The following NGLY1 variants were observed in gnomAD, a reference collection of about 807,000 sequenced individuals.
NGLY1 encodes peptide-N(4)-(N-acetyl-beta-glucosaminyl)asparagine amidase.
Under a neutral mutation model 84.6 loss-of-function variants are expected in NGLY1, and 68 were observed. The ratio of observed to expected loss-of-function variants is 0.80; its 90% CI spans 0.66 to 0.98. The LOEUF (loss-of-function observed/expected upper bound fraction) is 0.98. NGLY1 is among the 50% of genes least tolerant of loss of function. The pLI is 0.00. For missense variants in NGLY1, 779 were observed against 770.2 expected (o/e 1.01, Z -0.14); for synonymous variants, 280 against 275.2 (o/e 1.02, Z -0.17).
Position 25,720,201 on chromosome 3 carries a change from G to GT in NGLY1, c.1612-11dup, listed in dbSNP as rs761585778. On this transcript the variant is annotated splice_polypyrimidine_tract_variant and intron_variant, in intron 10 of 11. Coordinates refer to ENST00000280700, the MANE Select transcript of NGLY1 (RefSeq NM_018297.4). ...TTCGGGCCAAATATACCTATAAGGA[G>GT]TAGGGATGGGGAGAAAGGAACTGTC... 6.2e-7 allele frequency: 1 copy of GT among 1,604,464 alleles called. No individual in the cohort carries two copies. Among genetic ancestry groups the GT allele is most frequent in the South Asian group, 1.1e-5 (1 of 89,926 alleles).
chr3:25,722,795 G>A (rs940758475), intron 10 of NGLY1, among the ~76,000 whole-genome samples: 5 of 152,164 alleles, frequency 3.3e-5, no homozygotes, highest in African/African-American at 1.2e-4. Context: ...GACTCCACCA[G>A]TGTTCCCCGG....
intron 10 of NGLY1, among the ~76,000 whole-genome samples, chr3:25,723,763 A>G (rs1316613715): frequency 6.6e-6 from 1 of 152,284 alleles, no homozygotes; most frequent in Non-Finnish European, 1.5e-5. Context: ...ATTTTTTTTA[A>G]ATTTATTGTG....
chr3:25,724,155 T>G (rs1705141802), intron 10 of NGLY1, among the ~76,000 whole-genome samples: 2 of 152,226 alleles, frequency 1.3e-5, no homozygotes, highest in Admixed American at 1.3e-4. Context: ...ATTTTTTGAT[T>G]ACTACATGTC....
intron 10 of NGLY1, among the ~76,000 whole-genome samples, chr3:25,722,931 T>C (rs1705080494): frequency 6.6e-6 from 1 of 152,230 alleles, no homozygotes; most frequent in Admixed American, 6.5e-5. Flanking sequence ...GAGAGGTTAC[T>C]GGAAGAAAGG....
At chr3:25,723,417 C>T (rs1380871202) in intron 10 of NGLY1, among the ~76,000 whole-genome samples, 1 of 152,082 alleles carries the variant, frequency 6.6e-6, no homozygotes, top group Non-Finnish European at 1.5e-5. Flanking sequence ...AGATAAAACA[C>T]CCTATTTATA....
chr3:25,726,042 T>C (rs927817284), intron 10 of NGLY1, among the ~76,000 whole-genome samples: 5 of 152,158 alleles, frequency 3.3e-5, no homozygotes, highest in Non-Finnish European at 5.9e-5. Context: ...GCTGAATGAA[T>C]TCTTGACATA....
In NGLY1 at chr3:25,729,138, G is replaced by T; in HGVS notation, c.1606C>A (p.His536Asn). 2 of 1,493,754 alleles carry T rather than the reference G, an allele frequency of 1.3e-6. No homozygotes were observed. The highest frequency in any genetic ancestry group is 1.4e-5 in the South Asian group (1 of 70,926). 92.5% of individuals were successfully genotyped at this position (1,493,754 alleles called of 1,614,324 possible). Residue 536 changes from histidine (H) to asparagine (N), a missense_variant, in exon 10 of 12, where the codon CAC (histidine) becomes AAC (asparagine). Coordinates refer to ENST00000280700, the MANE Select transcript of NGLY1 (RefSeq NM_018297.4). ...GGTTTTATGCATTAAGTTACCATGT[G>T]CCAGTCTGTTTCAACTTTTCTGAAT... The part of the protein sequence containing the change: ...SIFRKVETDW[H>N]MVYLARKEGS...
upstream of NGLY1, chr3:25,783,520 C>T (rs1168001211): frequency 1.0e-4 from 79 of 775,892 alleles, no homozygotes; most frequent in East Asian, 1.1e-3. This position sits in a 1 kb window ranked among gnomAD's most constrained non-coding sequence, Gnocchi z 4.5. Context: ...GGGCGGGGTC[C>T]TCGGCCGGCA....
At position 25,783,350 on chromosome 3, in the gene NGLY1, G is replaced by C. The variant is rs767547861; in HGVS notation, c.41C>G (p.Ser14Cys). The C allele has an allele frequency of 1.3e-6, 2 of 1,573,156 alleles. No homozygotes were observed. Among genetic ancestry groups the C allele is most frequent in the Admixed American group, 3.7e-5 (2 of 53,896 alleles). The change falls in exon 1 of 12, where the codon TCC (serine) becomes TGC (cysteine). Residue 14 changes from serine to cysteine, a missense_variant. Coordinates refer to ENST00000280700, the MANE Select transcript of NGLY1 (RefSeq NM_018297.4). The surrounding 1 kb of genome is among the most constrained non-coding windows in gnomAD (Gnocchi z 4.5). Reference sequence around the variant, plus strand: ...CTGGCAGAGCTCAGCCACGGCCGGGGACGCCGAGCCTGAGGAGCTGCCCAA... The same window carrying C: ...CTGGCAGAGCTCAGCCACGGCCGGGCACGCCGAGCCTGAGGAGCTGCCCAA... ...AALGSSSGSASPAVAELCQNT... is the reference protein window; with the variant it reads ...AALGSSSGSACPAVAELCQNT...
chr3:25,759,817 A>C (rs966134115), intron 3 of NGLY1, among the ~76,000 whole-genome samples: 1 of 152,120 alleles, frequency 6.6e-6, no homozygotes, highest in African/African-American at 2.4e-5. Flanking sequence ...AGATATATTT[A>C]AGACTTCATA....
At chr3:25,763,876 A>C (rs903446015) in intron 3 of NGLY1, among the ~76,000 whole-genome samples, 190 bp downstream of exon 3, 1 of 152,228 alleles carries the variant, frequency 6.6e-6, no homozygotes, top group African/African-American at 2.4e-5. Context: ...TTAGATCAGA[A>C]GTATTAATGC....
intron 8 of NGLY1, among the ~76,000 whole-genome samples, chr3:25,733,513 G>GTA (rs1296448962): frequency 7.8e-6 from 1 of 128,090 alleles, no homozygotes; most frequent in Non-Finnish European, 1.7e-5. Context: ...GTGTGTGTGT[G>GTA]TGTATGTACA....
Position 25,755,354 on chromosome 3 carries a change from C to T in NGLY1, c.493-4091G>A, listed in dbSNP as rs537974278. ...ACCTAACCAAGGGAGGCTAGTTCTA[C>T]GATTGACTGTTGGTGCTGTTAGTAG... On this transcript the variant is annotated intron_variant, in intron 3 of 11. Coordinates refer to ENST00000280700, the MANE Select transcript of NGLY1 (RefSeq NM_018297.4). 39 of 1,313,824 alleles carry T rather than the reference C, an allele frequency of 3.0e-5. No individual in the cohort carries two copies. In the South Asian group the frequency reaches 3.5e-4, roughly 12 times the overall value. 81.4% of individuals were successfully genotyped at this position (1,313,824 alleles called of 1,614,324 possible).
intron 3 of NGLY1, among the ~76,000 whole-genome samples, chr3:25,759,811 A>G (rs570931845): frequency 6.6e-6 from 1 of 152,210 alleles, no homozygotes; most frequent in East Asian, 1.9e-4. Context: ...GATATGAGAT[A>G]TATTTAAGAC....
At chr3:25,729,838 T>A (rs1194043254) in intron 9 of NGLY1, 2 of 152,362 alleles carry the variant, frequency 1.3e-5, no homozygotes, top group East Asian at 3.9e-4. Flanking sequence ...TCCAGCCAGA[T>A]CTTCTGTTAC....
chr3:25,719,633 T>TCA lies in NGLY1; in HGVS notation c.1791_1792insTG (p.Asn598Ter). 1 of 1,611,434 alleles carries TCA rather than the reference T, an allele frequency of 6.2e-7. No homozygotes were observed. Among genetic ancestry groups the TCA allele is most frequent in the East Asian group, 2.2e-5 (1 of 44,848 alleles). ...AAATCAGCATAGGAGTGAAGACTGT[T>TCA]ATCTGTTAGAGGGAAAAAAAAAATT... is the stretch of plus-strand genomic sequence containing the variant. On this transcript the variant is annotated frameshift_variant and splice_region_variant, in exon 12 of 12. Transcript: ENST00000280700. LOFTEE classifies it high-confidence loss of function.
exon 1 of NGLY1, chr3:25,790,015 G>C (rs749930349): frequency 1.1e-6 from 1 of 939,386 alleles, no homozygotes; most frequent in African/African-American, 1.6e-5. Flanking sequence ...AAAGAGAGTC[G>C]AACGGGACGC....
intron 9 of NGLY1, among the ~76,000 whole-genome samples, chr3:25,732,087 T>C (rs1215252449): frequency 1.3e-5 from 2 of 152,156 alleles, no homozygotes; most frequent in East Asian, 1.9e-4. Flanking sequence ...ACTAAAAATT[T>C]ACATAAGGTA....
intron 3 of NGLY1, chr3:25,754,808 T>C (rs1264762452): frequency 5.2e-6 from 2 of 383,948 alleles, no homozygotes; most frequent in African/African-American, 2.3e-5. Flanking sequence ...TTTTTTTTGA[T>C]ACGAGCAACT....
Sources: gnomAD v4.1 joint callset for allele counts (sites outside exome capture counted in the v4.1 genomes callset) on GRCh38, gnomAD v4.1.1 for gene constraint, Gnocchi (gnomAD v3.1) non-coding constraint, MANE v1.5 for transcripts, NCBI Gene and HGNC (gene_info 2026-07-23, HGNC 2026-07-21) for gene names.